The following DLG2 variants were observed in gnomAD, a reference collection of about 807,000 sequenced individuals.
DLG2 encodes discs large MAGUK scaffold protein 2, also known as disks large homolog 2.
DLG2 carries 45 observed loss-of-function variants against 132.5 expected under a neutral mutation model. The observed-to-expected ratio is 0.34, with a 90% CI of 0.27 to 0.44. The LOEUF (loss-of-function observed/expected upper bound fraction) is 0.44. DLG2 is among the 20% of genes least tolerant of loss of function. The pLI is 1.00. For synonymous variants in DLG2, 424 were observed against 419.6 expected, an observed-to-expected ratio of 1.01 and a Z score of -0.13; for missense variants, 1,045 against 1,196.9, an observed-to-expected ratio of 0.87 and a Z score of 1.87.
chr11:84,851,281 T>C (rs1336638506), intron 6 of DLG2, among the ~76,000 whole-genome samples: 1 of 152,122 alleles, frequency 6.6e-6, no homozygotes, highest in Non-Finnish European at 1.5e-5. Flanking sequence ...CATGTTATTA[T>C]ATTTGAGAGT....
intron 16 of DLG2, among the ~76,000 whole-genome samples, chr11:83,851,172 G>C (rs369836108): frequency 1.1e-4 from 10 of 87,940 alleles, no homozygotes; most frequent in Non-Finnish European, 1.9e-4. Flanking sequence ...GTGAGACTCC[G>C]TCTCAAAAAA....
intron 7 of DLG2, among the ~76,000 whole-genome samples, chr11:84,444,481 A>G (rs1638875863): frequency 6.6e-6 from 1 of 151,726 alleles, no homozygotes; most frequent in Admixed American, 6.6e-5. Context: ...TTATTTATTT[A>G]TTTACTTATT....
chr11:84,579,025 T>C (rs2099510117), intron 6 of DLG2, among the ~76,000 whole-genome samples: 1 of 152,176 alleles, frequency 6.6e-6, no homozygotes, highest in Admixed American at 6.5e-5. Flanking sequence ...CATTTTTCTC[T>C]TGCCACTGCC....
chr11:84,311,001 A>C (rs2098281081), intron 7 of DLG2, among the ~76,000 whole-genome samples: 1 of 152,206 alleles, frequency 6.6e-6, no homozygotes, highest in Non-Finnish European at 1.5e-5. Context: ...CTTACCTCTA[A>C]ATACAAGCTT....
chr11:84,067,906 T>C (rs752762709), intron 10 of DLG2, among the ~76,000 whole-genome samples: 8 of 152,210 alleles, frequency 5.3e-5, no homozygotes, highest in Non-Finnish European at 1.2e-4. Flanking sequence ...AATGTAGTAA[T>C]ATCTATGAGG....
At chr11:83,552,833 A>G (rs978441246) in intron 19 of DLG2, among the ~76,000 whole-genome samples, 2 of 152,186 alleles carry the variant, frequency 1.3e-5, no homozygotes, top group Non-Finnish European at 2.9e-5. Flanking sequence ...AAGTAGAAGT[A>G]TTGATCAATA....
chr11:85,612,175 C>T (rs1235443048), intron 2 of DLG2, among the ~76,000 whole-genome samples: 2 of 152,226 alleles, frequency 1.3e-5, no homozygotes, highest in Non-Finnish European at 2.9e-5. Context: ...CCCTATATCA[C>T]TCCAATACCA....
intron 19 of DLG2, among the ~76,000 whole-genome samples, chr11:83,623,998 G>A (rs1204573125): frequency 1.3e-5 from 2 of 152,244 alleles, no homozygotes; most frequent in East Asian, 1.9e-4. Flanking sequence ...CTGCGGAGAT[G>A]AGAGATTTCT....
intron 7 of DLG2, among the ~76,000 whole-genome samples, chr11:84,439,817 C>T (rs1313076111): frequency 1.3e-5 from 2 of 152,126 alleles, no homozygotes; most frequent in Non-Finnish European, 2.9e-5. Flanking sequence ...AAACAATCAT[C>T]CCTAAGTTAA....
intron 18 of DLG2, among the ~76,000 whole-genome samples, chr11:83,717,915 A>G (rs932726716): frequency 6.6e-6 from 1 of 152,220 alleles, no homozygotes; most frequent in African/African-American, 2.4e-5. Flanking sequence ...TTCTGTGTCC[A>G]AATGACTTAC....
At chr11:84,925,259 C>T (rs112405810) in intron 6 of DLG2, among the ~76,000 whole-genome samples, 21 of 152,108 alleles carry the variant, frequency 1.4e-4, no homozygotes, top group African/African-American at 4.6e-4. Flanking sequence ...CAGAACAGCT[C>T]GCAAGCAAGG....
intron 6 of DLG2, among the ~76,000 whole-genome samples, chr11:84,707,319 T>C (rs2059891130): frequency 6.6e-6 from 1 of 151,858 alleles, no homozygotes; most frequent in African/African-American, 2.4e-5. Context: ...CATTCAGATA[T>C]ATTTGATTCT....
At chr11:83,809,434 C>T (rs1699961730) in intron 17 of DLG2, among the ~76,000 whole-genome samples, 1 of 152,134 alleles carries the variant, frequency 6.6e-6, no homozygotes, top group Non-Finnish European at 1.5e-5. Flanking sequence ...TGGAGAAACT[C>T]CTTAGGATTT....
chr11:85,006,574 C>A (rs1229178392), intron 6 of DLG2, among the ~76,000 whole-genome samples: 1 of 152,132 alleles, frequency 6.6e-6, no homozygotes, highest in Non-Finnish European at 1.5e-5. Flanking sequence ...GTGGTGATGT[C>A]CCCATTGTCA....
chr11:84,506,729 T>C (rs2099242485), intron 7 of DLG2, among the ~76,000 whole-genome samples: 1 of 152,106 alleles, frequency 6.6e-6, no homozygotes, highest in Admixed American at 6.5e-5. Flanking sequence ...ACAAAACCAA[T>C]AAAGGAGTGG....
At chr11:84,883,918 A>C (rs17147716) in intron 6 of DLG2, among the ~76,000 whole-genome samples, 16,559 of 151,698 alleles carry the variant, frequency 0.11, 1,295 homozygotes, top group African/African-American at 0.22. Flanking sequence ...TTTTGGCAGG[A>C]AATTGTAAAG....
chr11:83,948,956 C>A (rs1462550638), intron 14 of DLG2, among the ~76,000 whole-genome samples: 1 of 152,182 alleles, frequency 6.6e-6, no homozygotes, highest in Non-Finnish European at 1.5e-5. Context: ...AAAATAATAA[C>A]ACCAATCTCA....
intron 6 of DLG2, among the ~76,000 whole-genome samples, chr11:84,866,093 A>G (rs1421598648): frequency 6.6e-6 from 1 of 152,234 alleles, no homozygotes; most frequent in Non-Finnish European, 1.5e-5. Context: ...CCAGTTTCCT[A>G]TAGAGGTTGT....
At chr11:83,892,661 T>C (rs1317324324) in intron 15 of DLG2, among the ~76,000 whole-genome samples, 2 of 151,740 alleles carry the variant, frequency 1.3e-5, no homozygotes. Context: ...CTATGATAGT[T>C]TTCTTACCCT....
Sources: allele counts gnomAD v4.1 joint callset (sites outside exome capture counted in the v4.1 genomes callset), GRCh38; gene constraint gnomAD v4.1.1; transcripts MANE v1.5; gene names NCBI Gene and HGNC (gene_info 2026-07-23, HGNC 2026-07-21).